KCNQ3: variants seen among roughly 807,000 people sequenced by gnomAD.
KCNQ3 encodes the protein potassium voltage-gated channel subfamily Q member 3.
A neutral mutation model predicts 92.5 loss-of-function variants in KCNQ3; 30 were observed. The ratio of observed to expected loss-of-function variants is 0.32; its 90% CI spans 0.24 to 0.44. KCNQ3 has a LOEUF of 0.44. KCNQ3 is among the 20% of genes least tolerant of loss of function. The probability of loss-of-function intolerance (pLI) is 1.00; values close to 1 mark genes in which losing one functional copy is unlikely to be tolerated. For missense variants in KCNQ3, 913 were observed against 1,140.3 expected (o/e 0.80, Z 2.87); for synonymous variants, 450 against 468.8 (o/e 0.96, Z 0.52).
chr8:132,367,114 G>A (rs1005305667), intron 1 of KCNQ3, among the ~76,000 whole-genome samples: 7 of 152,162 alleles, frequency 4.6e-5, no homozygotes, highest in East Asian at 3.8e-4. Flanking sequence ...CAGTATATGC[G>A]GAGAACTCTG....
At chr8:132,391,039 T>C (rs1820035630) in intron 1 of KCNQ3, among the ~76,000 whole-genome samples, 1 of 152,208 alleles carries the variant, frequency 6.6e-6, no homozygotes, top group Non-Finnish European at 1.5e-5. Flanking sequence ...TCCAGTGATA[T>C]TCAGAATCTG....
intron 1 of KCNQ3, chr8:132,187,051 A>G: frequency 5.2e-6 from 2 of 381,698 alleles, no homozygotes; most frequent in Admixed American, 3.4e-5. Flanking sequence ...CTTGGTGGAG[A>G]GTCTTTGGCT....
At chr8:132,283,399 T>C (rs1816589041) in intron 1 of KCNQ3, among the ~76,000 whole-genome samples, 1 of 152,230 alleles carries the variant, frequency 6.6e-6, no homozygotes, top group Non-Finnish European at 1.5e-5. Context: ...CCTTTTAACA[T>C]TATATTTTCC....
At chr8:132,194,567 C>T (rs965486543) in intron 1 of KCNQ3, among the ~76,000 whole-genome samples, 1 of 152,194 alleles carries the variant, frequency 6.6e-6, no homozygotes, top group Admixed American at 6.5e-5. Flanking sequence ...ATCCAGATTG[C>T]AGCCAAGTTA....
intron 1 of KCNQ3, among the ~76,000 whole-genome samples, chr8:132,231,020 C>T (rs543724048): frequency 7.2e-5 from 11 of 152,216 alleles, no homozygotes; most frequent in Non-Finnish European, 1.6e-4. Flanking sequence ...AACATTTGGA[C>T]ACAGAGACAG....
At chr8:132,342,605 G>A (rs1818565366) in intron 1 of KCNQ3, among the ~76,000 whole-genome samples, 1 of 152,212 alleles carries the variant, frequency 6.6e-6, no homozygotes, top group Admixed American at 6.5e-5. Flanking sequence ...TCAGCTAGCA[G>A]AAGCAGTAGT....
intron 1 of KCNQ3, among the ~76,000 whole-genome samples, chr8:132,354,649 G>T (rs1818968267): frequency 6.6e-6 from 1 of 152,308 alleles, no homozygotes; most frequent in South Asian, 2.1e-4. Context: ...TCCATGGTGA[G>T]CCAATGCTAC....
chr8:132,389,001 A>G (rs1245112206), intron 1 of KCNQ3, among the ~76,000 whole-genome samples: 1 of 152,220 alleles, frequency 6.6e-6, no homozygotes, highest in Non-Finnish European at 1.5e-5. Context: ...GAAAAAACAA[A>G]CACATTTGGC....
rs114578953 is a variant in KCNQ3, at chr8:132,281,987, T to G, written c.387-95806A>C. Among the ~76,000 whole-genome samples the G allele has an allele frequency of 2.4e-3, 369 of 152,228 alleles. 3 individuals are homozygous for G. The highest frequency in any genetic ancestry group is 8.6e-3 in the African/African-American group (357 of 41,536). On this transcript the variant is annotated intron_variant, in intron 1 of 14. Transcript: ENST00000388996. ...TCTGTATCAATCACCTTCCTCACAT[T>G]CTTCATCTATCTCACTCCAACTCCT...
chr8:132,267,162 T>A (rs1816008107), intron 1 of KCNQ3, among the ~76,000 whole-genome samples: 1 of 152,156 alleles, frequency 6.6e-6, no homozygotes, highest in South Asian at 2.1e-4. Flanking sequence ...AAGTGCCACC[T>A]TCAAATTCCA....
At chr8:132,164,750 G>T (rs1392134531) in intron 8 of KCNQ3, among the ~76,000 whole-genome samples, 1 of 152,102 alleles carries the variant, frequency 6.6e-6, no homozygotes, top group East Asian at 1.9e-4. Flanking sequence ...GAGAAGGCAT[G>T]GTAGGGAGAA....
At chr8:132,325,454 T>C (rs1818019431) in intron 1 of KCNQ3, among the ~76,000 whole-genome samples, 1 of 152,200 alleles carries the variant, frequency 6.6e-6, no homozygotes, top group African/African-American at 2.4e-5. Flanking sequence ...TCCTAACCCC[T>C]AGGACCTCAG....
chr8:132,334,937 G>A (rs557604049), intron 1 of KCNQ3, among the ~76,000 whole-genome samples: 1 of 152,138 alleles, frequency 6.6e-6, no homozygotes, highest in African/African-American at 2.4e-5. Context: ...CCCTCTTTCA[G>A]CCAAAGTGGT....
intron 1 of KCNQ3, among the ~76,000 whole-genome samples, chr8:132,353,210 G>C (rs1385438720): frequency 1.3e-5 from 2 of 151,580 alleles, no homozygotes; most frequent in Admixed American, 6.6e-5. Flanking sequence ...TGGGCAACAA[G>C]AGTGAAACTC....
In KCNQ3 at chr8:132,420,186, A is replaced by C. The variant is rs146183953; in HGVS notation, c.386+59961T>G. Among the ~76,000 whole-genome samples, 814 of 152,152 alleles carry C rather than the reference A, an allele frequency of 5.3e-3. 7 individuals are homozygous for C. The highest frequency in any genetic ancestry group is 0.019 in the African/African-American group (785 of 41,510). ...GGGGTCTCTTGTACAAGAGAGCACT[A>C]ATCCCATTCTTGAAGATTCTCCCCC... On this transcript the variant is annotated intron_variant, in intron 1 of 14. Transcript: ENST00000388996.
intron 1 of KCNQ3, among the ~76,000 whole-genome samples, chr8:132,473,267 T>C (rs1822333622): frequency 6.9e-6 from 1 of 145,282 alleles, no homozygotes. Flanking sequence ...GAGAATGAGC[T>C]AAATAGAGTC....
At chr8:132,208,426 G>A (rs1303956928) in intron 1 of KCNQ3, among the ~76,000 whole-genome samples, 1 of 152,032 alleles carries the variant, frequency 6.6e-6, no homozygotes, top group Non-Finnish European at 1.5e-5. Flanking sequence ...GGAAAGAAAT[G>A]CAAAAAGGTT....
chr8:132,373,264 G>T (rs1320257984), intron 1 of KCNQ3, among the ~76,000 whole-genome samples: 2 of 152,080 alleles, frequency 1.3e-5, no homozygotes, highest in African/African-American at 2.4e-5. Flanking sequence ...TACACCTGGG[G>T]TAAGTCACTT....
intron 1 of KCNQ3, among the ~76,000 whole-genome samples, chr8:132,243,145 A>G (rs1422149518): frequency 2.0e-5 from 3 of 152,340 alleles, no homozygotes; most frequent in East Asian, 3.9e-4. Flanking sequence ...TCCCAGCTCA[A>G]TTCTGGAAAC....
Sources: gnomAD v4.1 joint callset for allele counts (sites outside exome capture counted in the v4.1 genomes callset) on GRCh38, gnomAD v4.1.1 for gene constraint, MANE v1.5 for transcripts, NCBI Gene and HGNC (gene_info 2026-07-23, HGNC 2026-07-21) for gene names.